The following EPG5 variants were observed in gnomAD, a reference collection of about 807,000 sequenced individuals.
EPG5 encodes the protein ectopic P-granules 5 autophagy tethering factor.
Under a neutral mutation model 302.7 loss-of-function variants are expected in EPG5, and 159 were observed. The ratio of observed to expected loss-of-function variants is 0.53; its 90% CI spans 0.46 to 0.60. The LOEUF is 0.60. Ranked by LOEUF, EPG5 falls within the 20% of genes least tolerant of loss-of-function variation. The pLI, the probability that EPG5 is intolerant of heterozygous loss-of-function variation, is 0.00. For missense variants in EPG5, 2,896 were observed against 3,092.4 expected, an observed-to-expected ratio of 0.94 and a Z score of 1.51; for synonymous variants, 1,158 against 1,136.8, an observed-to-expected ratio of 1.02 and a Z score of -0.37.
rs561758608 is a variant in EPG5 at position 45,950,153 on chromosome 18, T to C, written c.1390-562A>G. Among the ~76,000 whole-genome samples, 31 of 152,332 alleles carry C rather than the reference T, an allele frequency of 2.0e-4. No homozygotes were observed. In the South Asian group the frequency reaches 6.4e-3, roughly 32 times the overall value. On this transcript the variant is annotated intron_variant, in intron 4 of 43. Transcript: ENST00000282041. Reference sequence around the variant, plus strand: ...AAAAAGAATGACATATAGAAAATTTTTGATCGATACTTTATCTAAAATGCA... The same window carrying C: ...AAAAAGAATGACATATAGAAAATTTCTGATCGATACTTTATCTAAAATGCA...
At chr18:45,949,722 T>C (rs1381670866) in intron 4 of EPG5, 131 bp from the exon 5 acceptor site, 1 of 547,844 alleles carries the variant, frequency 1.8e-6, no homozygotes, top group East Asian at 3.0e-5. Flanking sequence ...ACACAAGATA[T>C]ACTATTCACT....
At chr18:45,837,992 C>A in the EPG5 span, 1 of 1,362,580 alleles carries the variant, frequency 7.3e-7, no homozygotes, top group Non-Finnish European at 9.4e-7. Context: ...TGTGCTGAGC[C>A]AGGAAGGGCA....
chr18:45,901,612 G>C (rs2049621064), intron 25 of EPG5, among the ~76,000 whole-genome samples: 1 of 152,206 alleles, frequency 6.6e-6, no homozygotes, highest in African/African-American at 2.4e-5. Flanking sequence ...GTCAAGGTTT[G>C]AACAGGAGGA....
the EPG5 span, among the ~76,000 whole-genome samples, chr18:45,806,892 C>A: frequency 6.6e-6 from 1 of 152,152 alleles, no homozygotes; most frequent in Non-Finnish European, 1.5e-5. Flanking sequence ...GGGCATGAAT[C>A]TGGTGTGCAG....
At position 45,867,581 on chromosome 18, in the gene EPG5, A is replaced by C; in HGVS notation, c.6393T>G (p.Val2131=). The C allele has an allele frequency of 1.9e-6, 3 of 1,614,022 alleles. No homozygotes were observed. The highest frequency in any genetic ancestry group is 2.5e-6 in the Non-Finnish European group (3 of 1,179,986). ...LFMMILLAKE[V]QLVDQTDSPL... ...AACTTACTGTTTGGTCTACCAGTTG[A>C]ACTTCCTTTGCCAATAAAATCATCA... Residue 2131 remains valine (V), a synonymous_variant, in exon 37 of 44, where the codon GTT becomes GTG. Transcript: ENST00000282041.
chr18:45,825,904 G>A, the EPG5 span: 2 of 1,135,952 alleles, frequency 1.8e-6, no homozygotes, highest in Non-Finnish European at 2.6e-6. Flanking sequence ...TGTGGAGGAG[G>A]AAGAGCTGCG....
At chr18:45,947,496 T>G (rs2050809906) in intron 6 of EPG5, among the ~76,000 whole-genome samples, 1 of 152,090 alleles carries the variant, frequency 6.6e-6, no homozygotes, top group Non-Finnish European at 1.5e-5. Flanking sequence ...AGTCAAATCA[T>G]TATCTACCAC....
At position 45,922,584 on chromosome 18, in the gene EPG5, C is replaced by G. The variant is rs1238972425; in HGVS notation, c.2855G>C (p.Ser952Thr). The part of the protein sequence containing the change: ...ESMKQVSYLA[S>T]IVRYGETPET... Reference sequence around the variant, plus strand: ...GGGTGTCTCTCCATATCGAACAATACTGGCCAAATATGAAACCTAAAACAA... The same window carrying G: ...GGGTGTCTCTCCATATCGAACAATAGTGGCCAAATATGAAACCTAAAACAA... The change falls in exon 16 of 44, where the codon AGT becomes ACT. Residue 952 changes from serine to threonine, a missense_variant. Around this residue, in one of 5 missense-constraint regions of EPG5, gnomAD observed 1,390 missense variants for 1,430.0 expected, o/e 0.97. Coordinates refer to ENST00000282041, the MANE Select transcript of EPG5 (RefSeq NM_020964.3). 1 of 1,613,960 alleles carries G rather than the reference C, an allele frequency of 6.2e-7. No homozygotes were observed. Among genetic ancestry groups the G allele is most frequent in the Admixed American group, 1.7e-5 (1 of 59,978 alleles).
At chr18:45,861,491 G>A (rs187121483) in intron 39 of EPG5, among the ~76,000 whole-genome samples, 2 of 152,030 alleles carry the variant, frequency 1.3e-5, no homozygotes, top group Non-Finnish European at 2.9e-5. Context: ...TCACTCTTCC[G>A]ATGAAGATCT....
chr18:45,950,260 T>G (rs1430227529), intron 4 of EPG5, among the ~76,000 whole-genome samples: 1 of 152,334 alleles, frequency 6.6e-6, no homozygotes, highest in South Asian at 2.1e-4. Context: ...CTTGGTGATA[T>G]GGTTTGGATG....
At chr18:45,943,479 C>T (rs2050715509) in intron 8 of EPG5, among the ~76,000 whole-genome samples, 168 bp from the exon 9 acceptor site, 1 of 152,108 alleles carries the variant, frequency 6.6e-6, no homozygotes. Context: ...AAACTTGAGA[C>T]AATGTGCCAA....
the EPG5 span, chr18:45,836,968 C>T: frequency 2.2e-6 from 2 of 907,712 alleles, no homozygotes; most frequent in Non-Finnish European, 1.9e-6. Context: ...TTCAGTTACT[C>T]AACTTCTCTG....
Position 45,866,857 on chromosome 18 carries a change from T to C in EPG5, c.6562A>G (p.Met2188Val). 6.2e-7 allele frequency: 1 copy of C among 1,614,186 alleles called. No homozygotes were observed. The highest frequency in any genetic ancestry group is 1.3e-5 in the African/African-American group (1 of 75,048). ...LAKESYAELI[M>V]KLLKVSAGLS... is the part of the protein sequence containing the mutation. The stretch of plus-strand genomic sequence containing the variant: ...CCCGCAGACACTTTTAGGAGCTTCA[T>C]GATTAATTCAGCATAAGATTCTTTT... Residue 2188 changes from methionine to valine, a missense_variant, in exon 38 of 44, where the codon ATG (methionine) becomes GTG (valine). Around this residue, in one of 5 missense-constraint regions of EPG5, gnomAD observed 620 missense variants for 704.2 expected, o/e 0.88. Transcript: ENST00000282041.
intron 33 of EPG5, among the ~76,000 whole-genome samples, 199 bp downstream of exon 33, chr18:45,878,814 C>T (rs1182688216): frequency 6.6e-6 from 1 of 152,224 alleles, no homozygotes; most frequent in Non-Finnish European, 1.5e-5. Flanking sequence ...CTATAGCAAG[C>T]ACCCTACATT....
At chr18:45,911,483 G>A (rs1341996438) in intron 22 of EPG5, among the ~76,000 whole-genome samples, 80 of 151,774 alleles carry the variant, frequency 5.3e-4, no homozygotes, top group African/African-American at 1.9e-3. Context: ...TAGTAGAGAC[G>A]GGGTTTCACC....
chr18:45,912,037 T>C (rs1269530573), intron 22 of EPG5, among the ~76,000 whole-genome samples: 1 of 152,146 alleles, frequency 6.6e-6, no homozygotes. Context: ...GTGTGAAACC[T>C]TGCCCAATCC....
intron 35 of EPG5, 123 bp downstream of exon 35, chr18:45,876,113 C>T: frequency 4.7e-6 from 3 of 644,348 alleles, no homozygotes; most frequent in Non-Finnish European, 8.1e-6. Context: ...GTATCAGCGA[C>T]TTTTCTTCAG....
At chr18:45,840,188 C>A in the EPG5 span, 1 of 1,612,776 alleles carries the variant, frequency 6.2e-7, no homozygotes. Context: ...TTCATGCCTG[C>A]TCTCTTGCTG....
chr18:45,923,509 C>A, intron 14 of EPG5, 122 bp from the exon 15 acceptor site: 2 of 1,023,164 alleles, frequency 2.0e-6, no homozygotes, highest in Admixed American at 2.7e-5. Flanking sequence ...CTAAATGTTC[C>A]AAAAATCACA....
Sources: gnomAD v4.1 joint callset for allele counts (sites outside exome capture counted in the v4.1 genomes callset) on GRCh38, gnomAD v4.1.1 for gene constraint, gnomAD v4.1.1 regional missense constraint, MANE v1.5 for transcripts, NCBI Gene and HGNC (gene_info 2026-07-23, HGNC 2026-07-21) for gene names.